The following MID1 variants were observed in gnomAD, a reference collection of about 807,000 sequenced individuals.
MID1 encodes E3 ubiquitin-protein ligase Midline-1.
A neutral mutation model predicts 40.4 loss-of-function variants in MID1; 7 were observed. The observed-to-expected ratio is 0.17, with a 90% CI of 0.10 to 0.33. MID1 has a LOEUF of 0.33. MID1 is among the 10% of genes least tolerant of loss of function. MID1 has a pLI of 1.00. For synonymous variants in MID1, 229 were observed against 221.2 expected (o/e 1.04, Z -0.31); for missense variants, 367 against 558.5 (o/e 0.66, Z 3.46).
intron 1 of MID1, among the ~76,000 whole-genome samples, chrX:10,590,507 T>G (rs1327297255): frequency 9.0e-6 from 1 of 111,301 alleles, no homozygotes; most frequent in African/African-American, 3.3e-5. Context: ...AAGCAAGTAG[T>G]CTTCTGAGGG....
At chrX:10,615,242 T>C (rs140397122) in intron 1 of MID1, among the ~76,000 whole-genome samples, 4,490 of 111,753 alleles carry the variant, frequency 0.04, 247 homozygotes, top group African/African-American at 0.14. Context: ...ATGCTACTGG[T>C]ACAATAAATT....
intron 1 of MID1, among the ~76,000 whole-genome samples, chrX:10,571,661 C>A (rs768089206): frequency 9.1e-6 from 1 of 110,217 alleles, no homozygotes; most frequent in Non-Finnish European, 1.9e-5. Flanking sequence ...TGCCTGTAAT[C>A]CCAGCACTTT....
chrX:10,705,173 T>C (rs1265470773), intron 1 of MID1, among the ~76,000 whole-genome samples: 1 of 112,883 alleles, frequency 8.9e-6, no homozygotes, highest in Non-Finnish European at 1.9e-5. Flanking sequence ...CAAAACATTG[T>C]TACATTTAAT....
chrX:10,754,336 T>C (rs1392591960), intron 1 of MID1, among the ~76,000 whole-genome samples: 1 of 109,529 alleles, frequency 9.1e-6, no homozygotes, highest in Non-Finnish European at 1.9e-5. Context: ...TTTTTTGTCA[T>C]CTGTCAGCCT....
At chrX:10,484,739 C>T (rs1045604281) in intron 4 of MID1, among the ~76,000 whole-genome samples, 19 of 111,632 alleles carry the variant, frequency 1.7e-4, no homozygotes, top group African/African-American at 5.5e-4. Flanking sequence ...AGTTGTAATT[C>T]GCAGAGCAGG....
At chrX:10,535,155 C>T (rs1348129641) in intron 2 of MID1, among the ~76,000 whole-genome samples, 2 of 111,748 alleles carry the variant, frequency 1.8e-5, no homozygotes, top group East Asian at 5.6e-4. Flanking sequence ...TGGCAATCAC[C>T]TGGATCTATC....
intron 1 of MID1, among the ~76,000 whole-genome samples, chrX:10,677,019 G>T (rs973147444): frequency 9.0e-6 from 1 of 111,611 alleles, no homozygotes; most frequent in African/African-American, 3.3e-5. Flanking sequence ...GTAGAAATCA[G>T]CTAGACGCTT....
intron 1 of MID1, among the ~76,000 whole-genome samples, chrX:10,828,529 GA>G (rs2044231199): frequency 8.9e-6 from 1 of 111,785 alleles, no homozygotes; most frequent in Non-Finnish European, 1.9e-5. Flanking sequence ...GTACTTTTGA[GA>G]AAACACCTTA....
chrX:10,490,831 T>C (rs1218370673), intron 4 of MID1, among the ~76,000 whole-genome samples: 1 of 112,089 alleles, frequency 8.9e-6, no homozygotes, highest in African/African-American at 3.2e-5. Context: ...GAAATGCAAG[T>C]TGATGGACAT....
Position 10,707,460 on chromosome X carries a change from G to A in MID1, c.-186-87041C>T, listed in dbSNP as rs187175552. On this transcript the variant is annotated intron_variant, in intron 1 of 10. Transcript: ENST00000380785. ...TCTAGAAGAGAAGGGAGGACTGTTT[G>A]GTGAACATCCAGCTATACTTTGCCA... Among the ~76,000 whole-genome samples the A allele has an allele frequency of 4.5e-5, 5 of 111,953 alleles. No homozygotes were observed. The Admixed American group carries it at 4.7e-4, about 11-fold the overall frequency.
chrX:10,802,255 T>G (rs1035558658), intron 1 of MID1, among the ~76,000 whole-genome samples: 3 of 111,524 alleles, frequency 2.7e-5, no homozygotes, highest in African/African-American at 9.8e-5. Context: ...ACTTACAAAA[T>G]TGGAGAAAAT....
At chrX:10,550,768 G>A (rs1933874977) in intron 2 of MID1, among the ~76,000 whole-genome samples, 1 of 111,581 alleles carries the variant, frequency 9.0e-6, no homozygotes, top group Non-Finnish European at 1.9e-5. Flanking sequence ...GTGCATTCAG[G>A]ATGTTTAGCA....
At chrX:10,605,925 T>C (rs978052095) in intron 1 of MID1, among the ~76,000 whole-genome samples, 1 of 111,198 alleles carries the variant, frequency 9.0e-6, no homozygotes, top group African/African-American at 3.3e-5. Context: ...TCTCTATTCC[T>C]GAGACAGGAA....
intron 1 of MID1, among the ~76,000 whole-genome samples, chrX:10,818,095 A>G (rs1456515342): frequency 8.9e-6 from 1 of 112,377 alleles, no homozygotes; most frequent in African/African-American, 3.2e-5. Context: ...TTCAGGACAT[A>G]TATATTTCTT....
chrX:10,687,650 G>A (rs1324272714), intron 1 of MID1, among the ~76,000 whole-genome samples: 1 of 112,283 alleles, frequency 8.9e-6, no homozygotes, highest in African/African-American at 3.2e-5. Flanking sequence ...AAGCTTTACA[G>A]GAGGGTTTTA....
At chrX:10,659,939 G>A (rs2042899840) in intron 1 of MID1, among the ~76,000 whole-genome samples, 1 of 112,276 alleles carries the variant, frequency 8.9e-6, no homozygotes, top group South Asian at 3.7e-4. Flanking sequence ...GACCTTCAAG[G>A]AAACCAACAA....
At chrX:10,813,151 GA>G (rs1241091345) in intron 1 of MID1, among the ~76,000 whole-genome samples, 6 of 105,051 alleles carry the variant, frequency 5.7e-5, no homozygotes, top group Admixed American at 2.0e-4. Flanking sequence ...GTCTAGTTTT[GA>G]AAAAAAAAAT....
At chrX:10,636,785 G>GAC (rs757390504) in intron 1 of MID1, among the ~76,000 whole-genome samples, 2 of 42,719 alleles carry the variant, frequency 4.7e-5, no homozygotes, top group African/African-American at 1.2e-4. Flanking sequence ...CAACAATGGG[G>GAC]ATATATATAT....
intron 1 of MID1, among the ~76,000 whole-genome samples, chrX:10,579,307 G>A (rs768009085): frequency 4.5e-5 from 5 of 111,732 alleles, no homozygotes; most frequent in Non-Finnish European, 7.5e-5. Flanking sequence ...AAAGCTTGCC[G>A]CTTGGGGAAA....
Sources: allele counts gnomAD v4.1 joint callset (sites outside exome capture counted in the v4.1 genomes callset), GRCh38; gene constraint gnomAD v4.1.1; transcripts MANE v1.5; gene names NCBI Gene and HGNC (gene_info 2026-07-23, HGNC 2026-07-21).